SASH1: variants seen among roughly 807,000 people sequenced by gnomAD.
The protein encoded by SASH1 is SAM and SH3 domain-containing protein 1.
Under a neutral mutation model 125.2 loss-of-function variants are expected in SASH1, and 44 were observed. The observed-to-expected ratio is 0.35, with a 90% CI of 0.28 to 0.45. SASH1 has a LOEUF of 0.45. Ranked by LOEUF, SASH1 falls within the 20% of genes least tolerant of loss-of-function variation. The pLI, the probability that SASH1 is intolerant of heterozygous loss-of-function variation, is 1.00. For missense variants in SASH1, 1,426 were observed against 1,614.5 expected, an observed-to-expected ratio of 0.88 and a Z score of 2.00; for synonymous variants, 639 against 649.1, an observed-to-expected ratio of 0.98 and a Z score of 0.24.
chr6:148,230,612 T>C, the SASH1 span, among the ~76,000 whole-genome samples: 1 of 152,252 alleles, frequency 6.6e-6, no homozygotes, highest in South Asian at 2.1e-4. Flanking sequence ...GGCACCCTTT[T>C]ACATCCTCAC....
intron 17 of SASH1, 85 bp downstream of exon 17, chr6:148,540,641 C>T (rs933420412): frequency 2.0e-5 from 20 of 994,962 alleles, no homozygotes; most frequent in East Asian, 1.1e-4. Context: ...CGATTCTATT[C>T]CTGTCATGAA....
At chr6:148,548,045 G>A (rs372176284) in intron 19 of SASH1, among the ~76,000 whole-genome samples, 1 of 152,232 alleles carries the variant, frequency 6.6e-6, no homozygotes, top group East Asian at 1.9e-4. Flanking sequence ...TTGAAGACTC[G>A]GACACATAAA....
At chr6:148,407,990 CA>C (rs995459032) in intron 2 of SASH1, among the ~76,000 whole-genome samples, 5 of 152,098 alleles carry the variant, frequency 3.3e-5, no homozygotes, top group African/African-American at 1.2e-4. Flanking sequence ...TTCCTACCAG[CA>C]GGGAGGGAAC....
chr6:148,542,851 AGTGTGTGTGT>A (rs56094441), intron 17 of SASH1, among the ~76,000 whole-genome samples: 71 of 149,374 alleles, frequency 4.8e-4, no homozygotes, highest in African/African-American at 1.7e-3. Flanking sequence ...AACAAGGGAC[AGTGTGTGTGT>A]GTGTGTGTGT....
intron 1 of SASH1, among the ~76,000 whole-genome samples, chr6:148,378,456 T>A (rs1783001125): frequency 1.3e-5 from 2 of 152,074 alleles, no homozygotes; most frequent in South Asian, 4.1e-4. Flanking sequence ...CCTGGCTTAA[T>A]TGAACCTCCC....
chr6:148,310,822 A>C (rs1352890636), intron 1 of SASH1, among the ~76,000 whole-genome samples: 3 of 152,204 alleles, frequency 2.0e-5, no homozygotes, highest in Admixed American at 6.5e-5. Flanking sequence ...TTAAAAAAAA[A>C]GGCTGGTAAT....
the SASH1 span, among the ~76,000 whole-genome samples, chr6:148,217,365 G>T: frequency 6.6e-6 from 1 of 152,168 alleles, no homozygotes; most frequent in Non-Finnish European, 1.5e-5. Flanking sequence ...TTACTGTTTG[G>T]CATGTGCTGC....
At chr6:148,435,733 G>T (rs1489641929) in intron 2 of SASH1, among the ~76,000 whole-genome samples, 3 of 152,084 alleles carry the variant, frequency 2.0e-5, no homozygotes, top group Non-Finnish European at 4.4e-5. Context: ...AACAGTAAAG[G>T]TATAGAGGAA....
intron 1 of SASH1, among the ~76,000 whole-genome samples, chr6:148,279,181 G>A (rs1043990740): frequency 6.6e-6 from 1 of 151,970 alleles, no homozygotes; most frequent in Non-Finnish European, 1.5e-5. Context: ...TAGTAGAAAC[G>A]GGTTTCACCA....
chr6:148,301,341 A>AAAAAAC (rs1779938858), intron 1 of SASH1, among the ~76,000 whole-genome samples: 1 of 151,656 alleles, frequency 6.6e-6, no homozygotes, highest in Non-Finnish European at 1.5e-5. Flanking sequence ...AAAAAAAAAA[A>AAAAAAC]AAAAAACTCT....
chr6:148,524,097 T>TTATATATA (rs371819726), intron 10 of SASH1, among the ~76,000 whole-genome samples: 3 of 79,548 alleles, frequency 3.8e-5, no homozygotes, highest in Admixed American at 1.2e-4. Context: ...ATTCAGTTAA[T>TTATATATA]TATATATATA....
intron 4 of SASH1, among the ~76,000 whole-genome samples, chr6:148,453,993 G>A (rs918272842): frequency 2.6e-5 from 4 of 152,190 alleles, no homozygotes; most frequent in African/African-American, 9.7e-5. Flanking sequence ...GTGTCAGGTG[G>A]TACAGCCTGA....
At chr6:148,457,841 A>T (rs1202746219) in intron 4 of SASH1, among the ~76,000 whole-genome samples, 1 of 152,202 alleles carries the variant, frequency 6.6e-6, no homozygotes, top group Non-Finnish European at 1.5e-5. Context: ...TCACATGATG[A>T]CAAGAAGGAG....
At chr6:148,404,860 A>G (rs1056578667) in intron 2 of SASH1, among the ~76,000 whole-genome samples, 1 of 147,606 alleles carries the variant, frequency 6.8e-6, no homozygotes, top group Non-Finnish European at 1.5e-5. Flanking sequence ...TTCATCTGAT[A>G]GGGAACTGTC....
chr6:148,248,294 C>A, the SASH1 span, among the ~76,000 whole-genome samples: 1 of 152,164 alleles, frequency 6.6e-6, no homozygotes, highest in South Asian at 2.1e-4. Flanking sequence ...GGAGAGAAGG[C>A]AGTAAGGGCA....
chr6:148,300,489 C>T (rs909687604), intron 1 of SASH1, among the ~76,000 whole-genome samples: 2 of 142,950 alleles, frequency 1.4e-5, no homozygotes, highest in African/African-American at 5.3e-5. Flanking sequence ...TGCTCTGTCA[C>T]CCAGGCTGGA....
intron 2 of SASH1, among the ~76,000 whole-genome samples, chr6:148,395,062 C>G (rs1459621706): frequency 6.6e-6 from 1 of 152,188 alleles, no homozygotes; most frequent in East Asian, 1.9e-4. Context: ...AAGCCTCAAA[C>G]ATTTTATAGG....
At chr6:148,455,932 C>T (rs1254026613) in intron 4 of SASH1, among the ~76,000 whole-genome samples, 1 of 152,108 alleles carries the variant, frequency 6.6e-6, no homozygotes, top group Non-Finnish European at 1.5e-5. Context: ...AGTGCTGCTT[C>T]CCCTGGACTC....
At position 148,377,206 on chromosome 6, in the gene SASH1, C is replaced by A. The variant is rs1376296344; in HGVS notation, c.157-12928C>A. ...AAACAAAAAAAAAACAAAAAAAAAA[C>A]AAAACAAACAAACAAACAAAAAAAA... On this transcript the variant is annotated intron_variant, in intron 1 of 19. Coordinates refer to ENST00000367467, the MANE Select transcript of SASH1 (RefSeq NM_015278.5). 1.2e-3 allele frequency among the ~76,000 whole-genome samples: 77 copies of A among 64,418 alleles called. 2 individuals are homozygous for A. The highest frequency in any genetic ancestry group is 3.6e-3 in the South Asian group (6 of 1,688). The allele number at this position is 64,418 out of a possible 152,430, so 42.3% of individuals were successfully genotyped here.
Sources: gnomAD v4.1 joint callset for allele counts (sites outside exome capture counted in the v4.1 genomes callset) on GRCh38, gnomAD v4.1.1 for gene constraint, MANE v1.5 for transcripts, NCBI Gene and HGNC (gene_info 2026-07-23, HGNC 2026-07-21) for gene names.